TUSC3: variants seen among roughly 807,000 people sequenced by gnomAD.
TUSC3 encodes the protein tumor suppressor candidate 3.
TUSC3 carries 45 observed loss-of-function variants against 44.8 expected under a neutral mutation model. The ratio of observed to expected loss-of-function variants is 1.00; its 90% CI spans 0.79 to 1.29. The LOEUF is 1.29. TUSC3 is among the 50% of genes most tolerant of loss of function. The pLI is 0.00. For synonymous variants in TUSC3, 212 were observed against 152.9 expected (o/e 1.39, Z -2.85); for missense variants, 519 against 437.9 (o/e 1.19, Z -1.65).
intron 2 of TUSC3, among the ~76,000 whole-genome samples, chr8:15,645,109 A>C (rs1391885943): frequency 6.6e-6 from 1 of 152,096 alleles, no homozygotes; most frequent in Non-Finnish European, 1.5e-5. Flanking sequence ...TGGGTTCCAA[A>C]CCTTCATTTT....
the TUSC3 span, among the ~76,000 whole-genome samples, chr8:15,819,854 C>T: frequency 6.6e-6 from 1 of 152,196 alleles, no homozygotes; most frequent in East Asian, 1.9e-4. Flanking sequence ...TGATAAAAGA[C>T]AGAAGTGGGA....
intron 5 of TUSC3, among the ~76,000 whole-genome samples, chr8:15,673,179 A>T (rs968369458): frequency 6.6e-6 from 1 of 152,096 alleles, no homozygotes; most frequent in Non-Finnish European, 1.5e-5. Context: ...TTCAGCAGGT[A>T]TATAATCTTT....
chr8:15,571,108 C>G (rs1804592356), intron 1 of TUSC3, among the ~76,000 whole-genome samples: 1 of 151,570 alleles, frequency 6.6e-6, no homozygotes, highest in Admixed American at 6.6e-5. Context: ...TGCCTGCCAC[C>G]ACACCTGACT....
At chr8:15,606,605 A>T (rs1804538791) in intron 1 of TUSC3, among the ~76,000 whole-genome samples, 1 of 152,094 alleles carries the variant, frequency 6.6e-6, no homozygotes, top group Admixed American at 6.6e-5. Context: ...TAACTATAAT[A>T]CTGTCTTGTT....
At chr8:15,729,121 G>C (rs541937951) in intron 6 of TUSC3, among the ~76,000 whole-genome samples, 1 of 152,198 alleles carries the variant, frequency 6.6e-6, no homozygotes, top group South Asian at 2.1e-4. Flanking sequence ...CTAAATTTGT[G>C]ATCTTCAGAG....
chr8:15,423,910 A>G (rs1799769317), intron 1 of TUSC3, among the ~76,000 whole-genome samples: 1 of 147,324 alleles, frequency 6.8e-6, no homozygotes, highest in African/African-American at 2.5e-5. Context: ...CTTATTGACC[A>G]GGATGTTTCC....
intron 6 of TUSC3, among the ~76,000 whole-genome samples, chr8:15,720,365 C>T (rs1025946159): frequency 3.3e-5 from 5 of 151,974 alleles, no homozygotes; most frequent in African/African-American, 1.2e-4. Flanking sequence ...AAATTTAAGT[C>T]TCATTGGGCA....
intron 6 of TUSC3, among the ~76,000 whole-genome samples, chr8:15,692,931 T>A (rs1258371925): frequency 6.6e-6 from 1 of 152,154 alleles, no homozygotes; most frequent in African/African-American, 2.4e-5. Flanking sequence ...TCTTTCTTGA[T>A]CTTTGTTGCT....
At chr8:15,846,008 C>T in the TUSC3 span, among the ~76,000 whole-genome samples, 2 of 152,062 alleles carry the variant, frequency 1.3e-5, no homozygotes, top group African/African-American at 4.8e-5. Flanking sequence ...GAGGAAGAAG[C>T]AAAAGCGGAA....
chr8:15,661,605 A>AT (rs1807430705), intron 4 of TUSC3, among the ~76,000 whole-genome samples: 2 of 151,828 alleles, frequency 1.3e-5, no homozygotes, highest in African/African-American at 4.8e-5. Context: ...GATGTTTCCC[A>AT]TTTTTTCATG....
chr8:15,743,658 G>A (rs755769697), intron 8 of TUSC3, 46 bp downstream of exon 8: 1 of 1,593,376 alleles, frequency 6.3e-7, no homozygotes, highest in African/African-American at 1.3e-5. Context: ...TTAGTCTTAA[G>A]ATTCATTTAA....
chr8:15,428,483 C>T (rs1225298098), intron 1 of TUSC3, among the ~76,000 whole-genome samples: 2 of 151,842 alleles, frequency 1.3e-5, no homozygotes, highest in East Asian at 3.9e-4. Context: ...GGGTATATAC[C>T]CAGTAATGGG....
chr8:15,682,589 T>A (rs1208546298), intron 6 of TUSC3, among the ~76,000 whole-genome samples: 2 of 152,182 alleles, frequency 1.3e-5, no homozygotes, highest in Admixed American at 1.3e-4. Flanking sequence ...GGAACATATT[T>A]TAATGCAGTT....
the TUSC3 span, chr8:15,807,177 A>G: frequency 1.3e-6 from 1 of 783,918 alleles, no homozygotes; most frequent in Non-Finnish European, 2.3e-6. Context: ...TGCATCCTCC[A>G]TTTCAATACG....
At chr8:15,791,677 T>G in the TUSC3 span, among the ~76,000 whole-genome samples, 2 of 152,136 alleles carry the variant, frequency 1.3e-5, no homozygotes, top group Non-Finnish European at 2.9e-5. Flanking sequence ...GTCTCACACA[T>G]AAGAAAAAAT....
the TUSC3 span, among the ~76,000 whole-genome samples, chr8:15,845,700 T>C: frequency 6.6e-6 from 1 of 152,196 alleles, no homozygotes; most frequent in East Asian, 1.9e-4. Flanking sequence ...TTCTGTTTGC[T>C]CTAGGGGTTT....
Position 15,730,730 on chromosome 8 carries a change from G to A in TUSC3, c.862+1G>A. 6.2e-7 allele frequency: 1 copy of A among 1,612,912 alleles called. No homozygotes were observed. Among genetic ancestry groups the A allele is most frequent in the Non-Finnish European group, 8.5e-7 (1 of 1,179,264 alleles). ...GAATCACACATTATTCTGGTACTGA[G>A]TATCCTTTTAAGATACCGACGAATT... On this transcript the variant is annotated splice_donor_variant, in intron 7 of 10. Coordinates refer to ENST00000503731, the MANE Select transcript of TUSC3 (RefSeq NM_006765.4). LOFTEE classifies it high-confidence loss of function.
At chr8:15,758,585 G>A (rs1812034368) in intron 10 of TUSC3, among the ~76,000 whole-genome samples, 1 of 151,922 alleles carries the variant, frequency 6.6e-6, no homozygotes, top group African/African-American at 2.4e-5. Context: ...TTCTTACTCT[G>A]GCAGAAGCTC....
chr8:15,601,266 A>G (rs549444642), intron 1 of TUSC3, among the ~76,000 whole-genome samples: 20 of 151,718 alleles, frequency 1.3e-4, no homozygotes, highest in Non-Finnish European at 2.5e-4. Context: ...GTCAGTCTAT[A>G]AAATGCATTG....
Sources: gnomAD v4.1 joint callset for allele counts (sites outside exome capture counted in the v4.1 genomes callset) on GRCh38, gnomAD v4.1.1 for gene constraint, MANE v1.5 for transcripts, NCBI Gene and HGNC (gene_info 2026-07-23, HGNC 2026-07-21) for gene names.